Variants in ELP3 observed in about 807,000 individuals in gnomAD.
The protein encoded by ELP3 is elongator complex protein 3.
In ELP3, 56 loss-of-function variants were observed where a neutral mutation model predicts 74.9. The ratio of observed to expected loss-of-function variants is 0.75; its 90% CI spans 0.60 to 0.93. The LOEUF (loss-of-function observed/expected upper bound fraction) is 0.93, where lower values mean the gene tolerates loss of function less well. Ranked by LOEUF, ELP3 falls within the 40% of genes least tolerant of loss-of-function variation. The pLI is 0.00. For synonymous variants in ELP3, 222 were observed against 239.8 expected, an observed-to-expected ratio of 0.93 and a Z score of 0.68; for missense variants, 573 against 686.5, an observed-to-expected ratio of 0.83 and a Z score of 1.85.
chr8:28,132,405 G>C lies in ELP3; in HGVS notation c.906+1G>C. 3.7e-6 allele frequency: 6 copies of C among 1,614,044 alleles called. No individual in the cohort carries two copies. The highest frequency in any genetic ancestry group is 5.1e-6 in the Non-Finnish European group (6 of 1,179,930). On this transcript the variant is annotated splice_donor_variant, in intron 9 of 14. Transcript: ENST00000256398. LOFTEE classifies it high-confidence loss of function. Reference sequence around the variant, plus strand: ...AGAAAGAGACATTGAACAGTTCACAGTAAGTGTGACTTCAGCCAGGCGCAT... The same window carrying C: ...AGAAAGAGACATTGAACAGTTCACACTAAGTGTGACTTCAGCCAGGCGCAT...
In ELP3 at chr8:28,097,239, C is replaced by G; in HGVS notation, c.40C>G (p.Leu14Val). ...KRKGDLSPAE[L>V]MMLTIGDVIK... ...TCCAGGAGATCTCAGCCCTGCTGAGCTGATGATGCTGACTATAGGAGATGT... is the reference window on the plus strand; with the variant it reads ...TCCAGGAGATCTCAGCCCTGCTGAGGTGATGATGCTGACTATAGGAGATGT... Residue 14 changes from leucine to valine, a missense_variant, in exon 2 of 15, where the codon CTG becomes GTG. By Grantham distance (32) the Leu-to-Val change is conservative (BLOSUM62 1). Coordinates refer to ENST00000256398, the MANE Select transcript of ELP3 (RefSeq NM_018091.6). The G allele has an allele frequency of 1.9e-6, 3 of 1,612,172 alleles. No homozygotes were observed. Among genetic ancestry groups the G allele is most frequent in the Non-Finnish European group, 2.5e-6 (3 of 1,179,230 alleles).
Position 28,128,518 on chromosome 8 carries a change from G to T in ELP3, c.618-984G>T, listed in dbSNP as rs142216291. On this transcript the variant is annotated intron_variant, in intron 7 of 14. Transcript: ENST00000256398. Reference sequence around the variant, plus strand: ...ATGTTGAAAAGCAGAGAAGTCTGGGGTGGGTCCACGCTGAGTTGTCTAAGC... The same window carrying T: ...ATGTTGAAAAGCAGAGAAGTCTGGGTTGGGTCCACGCTGAGTTGTCTAAGC... Among the ~76,000 whole-genome samples, 119 of 152,228 alleles carry T rather than the reference G, an allele frequency of 7.8e-4. 1 individual carries two copies. The East Asian group carries it at 0.018, about 23-fold the overall frequency.
intron 9 of ELP3, among the ~76,000 whole-genome samples, chr8:28,136,224 C>T (rs1180989369): frequency 6.6e-6 from 1 of 152,052 alleles, no homozygotes; most frequent in Non-Finnish European, 1.5e-5. Context: ...GGCCTCCCAA[C>T]GTGCTGGGAT....
At chr8:28,175,538 C>T (rs568772199) in intron 14 of ELP3, among the ~76,000 whole-genome samples, 9 of 152,126 alleles carry the variant, frequency 5.9e-5, no homozygotes, top group Non-Finnish European at 1.3e-4. Context: ...TTTCTTTGTC[C>T]ATGGTTTCTT....
chr8:28,142,847 C>T (rs931853318), intron 10 of ELP3, among the ~76,000 whole-genome samples: 3 of 152,172 alleles, frequency 2.0e-5, no homozygotes, highest in Non-Finnish European at 2.9e-5. Context: ...TTGTCACACA[C>T]GTTTCTGTTA....
intron 3 of ELP3, among the ~76,000 whole-genome samples, chr8:28,104,916 G>A (rs1811627992): frequency 6.6e-6 from 1 of 152,186 alleles, no homozygotes; most frequent in Admixed American, 6.5e-5. Flanking sequence ...CTTTATTTGT[G>A]TGAAGGAATT....
intron 1 of ELP3, among the ~76,000 whole-genome samples, chr8:28,095,411 C>G (rs1376422863): frequency 6.6e-6 from 1 of 152,220 alleles, no homozygotes; most frequent in Non-Finnish European, 1.5e-5. Flanking sequence ...GAGACCTCCT[C>G]CTTTTTTTCC....
chr8:28,185,857 C>T (rs17058700), intron 14 of ELP3, among the ~76,000 whole-genome samples: 3,022 of 152,308 alleles, frequency 0.02, 101 homozygotes, highest in African/African-American at 0.068. Context: ...TCTTGGGACA[C>T]ATCATTAGTG....
upstream of ELP3, chr8:28,092,868 A>G: frequency 3.2e-6 from 1 of 314,664 alleles, no homozygotes; most frequent in Non-Finnish European, 5.8e-6. Context: ...CCTTTCACTT[A>G]GGCTTCCTGG....
At chr8:28,121,656 A>G (rs536788118) in intron 7 of ELP3, among the ~76,000 whole-genome samples, 1 of 152,298 alleles carries the variant, frequency 6.6e-6, no homozygotes, top group South Asian at 2.1e-4. Context: ...CTGCTAATAT[A>G]TATACATACG....
chr8:28,095,473 C>T (rs1811216094), intron 1 of ELP3, among the ~76,000 whole-genome samples: 1 of 152,184 alleles, frequency 6.6e-6, no homozygotes, highest in African/African-American at 2.4e-5. Flanking sequence ...ATGACCACCA[C>T]CAGTCCTACC....
At chr8:28,179,683 A>G (rs558813099) in intron 14 of ELP3, among the ~76,000 whole-genome samples, 1 of 152,346 alleles carries the variant, frequency 6.6e-6, no homozygotes, top group East Asian at 1.9e-4. Flanking sequence ...AGGCAGTGAC[A>G]GATCATCAGG....
chr8:28,137,496 A>G (rs886846064), intron 9 of ELP3, among the ~76,000 whole-genome samples: 14 of 152,224 alleles, frequency 9.2e-5, no homozygotes, highest in Non-Finnish European at 7.3e-5. Context: ...GGCCTAGTGC[A>G]GTCCAGCACA....
chr8:28,111,143 G>A (rs1480970337), intron 6 of ELP3, among the ~76,000 whole-genome samples: 1 of 152,140 alleles, frequency 6.6e-6, no homozygotes, highest in Non-Finnish European at 1.5e-5. Flanking sequence ...GGAGTACAAA[G>A]AACTAGTCGG....
At chr8:28,151,781 G>A (rs1255403312) in intron 10 of ELP3, among the ~76,000 whole-genome samples, 1 of 152,172 alleles carries the variant, frequency 6.6e-6, no homozygotes. Context: ...CTGCAGGAAG[G>A]CCTTAATTAA....
chr8:28,094,370 G>T (rs1811169099), intron 1 of ELP3, among the ~76,000 whole-genome samples: 1 of 152,204 alleles, frequency 6.6e-6, no homozygotes, highest in South Asian at 2.1e-4. Flanking sequence ...GAATGGTTTT[G>T]TGAAATTTGG....
At chr8:28,136,542 G>A (rs569051703) in intron 9 of ELP3, among the ~76,000 whole-genome samples, 5 of 152,204 alleles carry the variant, frequency 3.3e-5, no homozygotes, top group Middle Eastern at 3.4e-3. Flanking sequence ...AAATATAAAT[G>A]TTACAGGAAA....
At chr8:28,098,580 T>C (rs1166536288) in intron 2 of ELP3, among the ~76,000 whole-genome samples, 4 of 152,216 alleles carry the variant, frequency 2.6e-5, no homozygotes, top group Non-Finnish European at 5.9e-5. Flanking sequence ...ATTTAGCACA[T>C]CTAAAGCTAA....
intron 9 of ELP3, among the ~76,000 whole-genome samples, chr8:28,136,395 CTTA>C (rs1166008287): frequency 6.6e-5 from 10 of 152,210 alleles, no homozygotes; most frequent in African/African-American, 2.4e-4. Context: ...GTCTCCGAAA[CTTA>C]TTATACAAGC....
Sources: gnomAD v4.1 joint callset for allele counts (sites outside exome capture counted in the v4.1 genomes callset) on GRCh38, gnomAD v4.1.1 for gene constraint, MANE v1.5 for transcripts, NCBI Gene and HGNC (gene_info 2026-07-23, HGNC 2026-07-21) for gene names.